Variants in PPP3R1 observed in about 807,000 individuals in gnomAD.
PPP3R1 encodes calcineurin subunit B type 1.
A neutral mutation model predicts 22.6 loss-of-function variants in PPP3R1; 5 were observed. The observed-to-expected ratio is 0.22, with a 90% CI of 0.12 to 0.46. PPP3R1 has a LOEUF of 0.46. PPP3R1 is among the 20% of genes least tolerant of loss of function. PPP3R1 has a pLI of 0.99. For synonymous variants in PPP3R1, 56 were observed against 65.2 expected, an observed-to-expected ratio of 0.86 and a Z score of 0.68; for missense variants, 61 against 203.2, an observed-to-expected ratio of 0.30 and a Z score of 4.25.
intron 1 of PPP3R1, among the ~76,000 whole-genome samples, chr2:68,249,127 T>C (rs1278662511): frequency 6.6e-6 from 1 of 152,230 alleles, no homozygotes; most frequent in East Asian, 1.9e-4. Flanking sequence ...CCTATAACAG[T>C]TGCCTGATCC....
intron 2 of PPP3R1, among the ~76,000 whole-genome samples, chr2:68,215,046 T>C (rs1669553173): frequency 6.6e-6 from 1 of 151,958 alleles, no homozygotes; most frequent in Non-Finnish European, 1.5e-5. Flanking sequence ...AACCAAATAC[T>C]GCATGTTCTC....
intron 1 of PPP3R1, among the ~76,000 whole-genome samples, chr2:68,247,837 T>C (rs1670264546): frequency 3.3e-5 from 5 of 152,240 alleles, no homozygotes; most frequent in Admixed American, 3.3e-4. Flanking sequence ...ACTATCTATC[T>C]GCATTGTTAC....
intron 2 of PPP3R1, among the ~76,000 whole-genome samples, chr2:68,194,510 T>C (rs1479770831): frequency 6.6e-6 from 1 of 152,128 alleles, no homozygotes; most frequent in Non-Finnish European, 1.5e-5. Context: ...ACATATTCAT[T>C]CATCACACTT....
At chr2:68,196,158 A>T (rs1319526292) in intron 2 of PPP3R1, among the ~76,000 whole-genome samples, 1 of 152,222 alleles carries the variant, frequency 6.6e-6, no homozygotes, top group African/African-American at 2.4e-5. Context: ...TCCTGTGAAG[A>T]TCACAAAACA....
At chr2:68,228,949 T>C (rs1311546889) in intron 1 of PPP3R1, among the ~76,000 whole-genome samples, 1 of 152,130 alleles carries the variant, frequency 6.6e-6, no homozygotes, top group Non-Finnish European at 1.5e-5. Context: ...GTATCTATTA[T>C]TGATTTCTAG....
chr2:68,247,904 T>C (rs528440138), intron 1 of PPP3R1, among the ~76,000 whole-genome samples: 11 of 152,340 alleles, frequency 7.2e-5, no homozygotes, highest in African/African-American at 2.6e-4. Flanking sequence ...TTCTGAATCC[T>C]CATGTCTAGA....
intron 1 of PPP3R1, among the ~76,000 whole-genome samples, chr2:68,250,799 T>G (rs1670332187): frequency 6.6e-6 from 1 of 151,660 alleles, no homozygotes; most frequent in Non-Finnish European, 1.5e-5. Flanking sequence ...GCCCTATATT[T>G]TAAATAAAAG....
At chr2:68,211,144 C>T (rs977195042) in intron 2 of PPP3R1, among the ~76,000 whole-genome samples, 2 of 152,250 alleles carry the variant, frequency 1.3e-5, no homozygotes, top group South Asian at 2.1e-4. Flanking sequence ...CGGTGGCTCA[C>T]GCCTGTAATC....
chr2:68,199,538 A>G (rs7585647), intron 2 of PPP3R1, among the ~76,000 whole-genome samples: 2,295 of 152,286 alleles, frequency 0.015, 54 homozygotes, highest in African/African-American at 0.053. Flanking sequence ...TTCTTCCCCA[A>G]TCTTAGGTAG....
At chr2:68,204,905 C>G (rs1675079885) in intron 2 of PPP3R1, among the ~76,000 whole-genome samples, 1 of 152,164 alleles carries the variant, frequency 6.6e-6, no homozygotes, top group Admixed American at 6.5e-5. Context: ...GTCAAAGTCC[C>G]AATTCTTTTA....
intron 1 of PPP3R1, among the ~76,000 whole-genome samples, chr2:68,232,083 T>C (rs1240532114): frequency 1.6e-5 from 2 of 123,786 alleles, no homozygotes; most frequent in African/African-American, 3.2e-5. Flanking sequence ...AACATGGGAA[T>C]ACCCGTATCT....
intron 2 of PPP3R1, among the ~76,000 whole-genome samples, chr2:68,210,626 A>C (rs1572963187): frequency 6.6e-6 from 1 of 152,274 alleles, no homozygotes; most frequent in South Asian, 2.1e-4. Context: ...TTCAACAGAC[A>C]AAAAAATCTA....
intron 1 of PPP3R1, among the ~76,000 whole-genome samples, chr2:68,246,767 C>T (rs1047357452): frequency 6.6e-6 from 1 of 152,132 alleles, no homozygotes; most frequent in East Asian, 1.9e-4. Context: ...ACTCTCTTCA[C>T]GTCTCATTTT....
At chr2:68,195,648 C>A (rs527281693) in intron 2 of PPP3R1, among the ~76,000 whole-genome samples, 2 of 152,106 alleles carry the variant, frequency 1.3e-5, no homozygotes, top group Admixed American at 6.5e-5. Context: ...TGAAAAATTT[C>A]TTTTCCCGTC....
At chr2:68,188,438 T>A in intron 3 of PPP3R1, 76 bp downstream of exon 3, 2 of 1,251,120 alleles carry the variant, frequency 1.6e-6, no homozygotes, top group Non-Finnish European at 2.2e-6. Context: ...GCACTTTTTT[T>A]TTTTTTTTAC....
rs1558641505 is a variant in PPP3R1 at position 68,232,249 on chromosome 2, GTGTGTGTGTGTGTGTGTATATA to G, written c.4-15140_4-15119del. On this transcript the variant is annotated intron_variant, in intron 1 of 5. Coordinates refer to ENST00000234310, the MANE Select transcript of PPP3R1 (RefSeq NM_000945.4). ...TGTGTGTGTGTGTGTGTGTGTGTGTGTGTGTGTGTGTGTGTGTATATATATATACACACACACAAAAATTAGC... is the reference window on the plus strand; with the variant it reads ...TGTGTGTGTGTGTGTGTGTGTGTGTGTATATACACACACACAAAAATTAGC... Among the ~76,000 whole-genome samples the G allele has an allele frequency of 4.6e-3, 327 of 70,746 alleles. 2 individuals are homozygous for G. Among genetic ancestry groups the G allele is most frequent in the African/African-American group, 0.028 (310 of 11,030 alleles). 46.4% of individuals were successfully genotyped at this position (70,746 alleles called of 152,430 possible). A position where few individuals can be genotyped will look rare whatever the true frequency, so the allele number is the denominator to read the frequency against.
chr2:68,211,181 C>A (rs1209033808), intron 2 of PPP3R1, among the ~76,000 whole-genome samples: 3 of 151,960 alleles, frequency 2.0e-5, no homozygotes. Context: ...CCGAGACAGG[C>A]GGATCACAAG....
intron 1 of PPP3R1, among the ~76,000 whole-genome samples, chr2:68,246,364 T>C (rs1037260310): frequency 6.6e-6 from 1 of 152,054 alleles, no homozygotes; most frequent in Non-Finnish European, 1.5e-5. Context: ...TGAGCCACCG[T>C]GCCCGGCTCT....
intron 1 of PPP3R1, among the ~76,000 whole-genome samples, chr2:68,240,392 C>G (rs1157894210): frequency 6.6e-6 from 1 of 152,160 alleles, no homozygotes; most frequent in Non-Finnish European, 1.5e-5. Context: ...TTCTCAAACT[C>G]TGCTAAATTG....
Sources: allele counts gnomAD v4.1 joint callset (sites outside exome capture counted in the v4.1 genomes callset), GRCh38; gene constraint gnomAD v4.1.1; transcripts MANE v1.5; gene names NCBI Gene and HGNC (gene_info 2026-07-23, HGNC 2026-07-21).